Variants in HS6ST2 observed in about 807,000 individuals in gnomAD.
HS6ST2 encodes the protein heparan sulfate 6-O-sulfotransferase 2.
Under a neutral mutation model 33.0 loss-of-function variants are expected in HS6ST2, and 17 were observed. The observed-to-expected ratio is 0.52, with a 90% CI of 0.35 to 0.77. The LOEUF (loss-of-function observed/expected upper bound fraction) is 0.77. Ranked by LOEUF, HS6ST2 falls within the 30% of genes least tolerant of loss-of-function variation. The pLI is 0.01. For missense variants in HS6ST2, 519 were observed against 551.7 expected (o/e 0.94, Z 0.59); for synonymous variants, 248 against 237.1 (o/e 1.05, Z -0.42).
Position 132,870,119 on chromosome X carries a change from A to G in HS6ST2, c.947+86689T>C, listed in dbSNP as rs1371789078. Among the ~76,000 whole-genome samples, 4 of 110,720 alleles carry G rather than the reference A, an allele frequency of 3.6e-5. No homozygotes were observed. In the South Asian group the frequency reaches 1.2e-3, roughly 32 times the overall value. On this transcript the variant is annotated intron_variant, in intron 2 of 4. Transcript: ENST00000370833. ...AAAATCACAAGCATTCCTATACACC[A>G]ATAATAGACAAGCAGAGAGCCAAAT...
At chrX:132,679,523 AG>A (rs1420109752) in intron 3 of HS6ST2, among the ~76,000 whole-genome samples, 1 of 111,712 alleles carries the variant, frequency 9.0e-6, no homozygotes, top group Non-Finnish European at 1.9e-5. Flanking sequence ...AAATGGAGGC[AG>A]GGCGAGATCA....
At chrX:132,867,576 T>A (rs1024939457) in intron 2 of HS6ST2, among the ~76,000 whole-genome samples, 2 of 112,181 alleles carry the variant, frequency 1.8e-5, no homozygotes. Flanking sequence ...TCCTTGTACC[T>A]CTGGTAGAAT....
At chrX:132,758,474 C>A (rs756931874) in intron 2 of HS6ST2, 4 of 111,966 alleles carry the variant, frequency 3.6e-5, no homozygotes, top group African/African-American at 6.5e-5. Context: ...TGTCCAATTA[C>A]GTTAGTCTTC....
intron 2 of HS6ST2, among the ~76,000 whole-genome samples, chrX:132,882,972 A>C (rs190087584): frequency 6.7e-4 from 75 of 111,627 alleles, no homozygotes; most frequent in African/African-American, 2.3e-3. Context: ...ACCAGGGATG[A>C]AGCCCAGTTG....
intron 2 of HS6ST2, among the ~76,000 whole-genome samples, chrX:132,917,386 G>A (rs1425678871): frequency 1.8e-5 from 2 of 111,022 alleles, no homozygotes; most frequent in Non-Finnish European, 3.8e-5. Context: ...ATCACTTGAG[G>A]CCAGGAGTTT....
intron 2 of HS6ST2, among the ~76,000 whole-genome samples, chrX:132,911,342 T>A (rs2066532514): frequency 9.0e-6 from 1 of 110,989 alleles, no homozygotes; most frequent in Non-Finnish European, 1.9e-5. Flanking sequence ...TTTCATGACA[T>A]GAGCCTCTGC....
chrX:132,731,167 G>T (rs938797819), intron 2 of HS6ST2, among the ~76,000 whole-genome samples: 1 of 112,178 alleles, frequency 8.9e-6, no homozygotes, highest in Non-Finnish European at 1.9e-5. Flanking sequence ...TCAACTGAGG[G>T]GAACTGACTC....
Position 132,957,056 on chromosome X carries a change from G to A in HS6ST2, c.699C>T (p.His233=). The change falls in exon 2 of 5, where the codon CAC becomes CAT. Residue 233 remains histidine (H), a synonymous_variant. Transcript: ENST00000370833. ...AAGTGGTGCCCCCGGTCTTCTGGAT[G>A]TGCAGGAACACGATCAGGTCATCGC... ...IKGDDLIVFL[H]IQKTGGTTFG... 2.5e-6 allele frequency: 3 copies of A among 1,211,963 alleles called. No homozygotes were observed. The South Asian group carries it at 5.3e-5, about 21-fold the overall frequency.
At chrX:132,637,929 T>TTATATATAATATTTTATATATAAAA (rs2063573609) in intron 4 of HS6ST2, among the ~76,000 whole-genome samples, 1 of 63,602 alleles carries the variant, frequency 1.6e-5, no homozygotes, top group Non-Finnish European at 2.7e-5. Context: ...TATATATATA[T>TTATATATAATATTTTATATATAAAA]TATATATAAT....
chrX:132,787,278 T>C (rs1417923361), intron 2 of HS6ST2, among the ~76,000 whole-genome samples: 6 of 91,799 alleles, frequency 6.5e-5, no homozygotes, highest in Non-Finnish European at 1.3e-4. Flanking sequence ...TAATATATTA[T>C]TATATTTATA....
intron 2 of HS6ST2, among the ~76,000 whole-genome samples, chrX:132,793,134 C>G (rs1255420517): frequency 1.1e-5 from 1 of 93,544 alleles, no homozygotes; most frequent in East Asian, 3.6e-4. Flanking sequence ...AATCTCAGCT[C>G]ACCACAACCT....
At chrX:132,932,605 G>A (rs2066784465) in intron 2 of HS6ST2, among the ~76,000 whole-genome samples, 1 of 110,727 alleles carries the variant, frequency 9.0e-6, no homozygotes, top group African/African-American at 3.3e-5. Flanking sequence ...ACGAAAAGAC[G>A]TAGAAAGGCG....
intron 2 of HS6ST2, among the ~76,000 whole-genome samples, chrX:132,721,589 T>G (rs1343127968): frequency 8.9e-6 from 1 of 112,278 alleles, no homozygotes; most frequent in Non-Finnish European, 1.9e-5. Flanking sequence ...TTAATTTTTA[T>G]TTGCTAAGAG....
At chrX:132,701,293 C>T (rs11096342) in intron 3 of HS6ST2, among the ~76,000 whole-genome samples, 13,518 of 111,707 alleles carry the variant, frequency 0.12, 760 homozygotes, top group South Asian at 0.27. Context: ...TACCCCACTC[C>T]TTTTCTATGT....
chrX:132,784,341 G>A (rs1159566787), intron 2 of HS6ST2, among the ~76,000 whole-genome samples: 2 of 111,103 alleles, frequency 1.8e-5, no homozygotes, highest in African/African-American at 3.3e-5. Context: ...AGGCAGTCTC[G>A]CTCCGTCACC....
chrX:132,707,045 C>A (rs2064194000), intron 3 of HS6ST2, among the ~76,000 whole-genome samples: 1 of 112,070 alleles, frequency 8.9e-6, no homozygotes, highest in Admixed American at 9.4e-5. Context: ...TGTTATACAG[C>A]AAAACTGTTT....
chrX:132,633,070 T>C, intron 4 of HS6ST2, among the ~76,000 whole-genome samples: 1 of 46,671 alleles, frequency 2.1e-5, no homozygotes, highest in Admixed American at 3.2e-4. Flanking sequence ...AGTGTGAGAC[T>C]CCATCTCAAA....
At chrX:132,658,869 T>A (rs749452015) in intron 4 of HS6ST2, among the ~76,000 whole-genome samples, 1 of 111,836 alleles carries the variant, frequency 8.9e-6, no homozygotes, top group Non-Finnish European at 1.9e-5. Flanking sequence ...CAGACAGTGA[T>A]GGCCAAACAT....
intron 2 of HS6ST2, among the ~76,000 whole-genome samples, chrX:132,926,367 C>T (rs1307091136): frequency 1.8e-5 from 2 of 111,913 alleles, no homozygotes; most frequent in East Asian, 5.6e-4. Context: ...AGGTATCCCT[C>T]ACTTAGGGCC....
Sources: allele counts gnomAD v4.1 joint callset (sites outside exome capture counted in the v4.1 genomes callset), GRCh38; gene constraint gnomAD v4.1.1; transcripts MANE v1.5; gene names NCBI Gene and HGNC (gene_info 2026-07-23, HGNC 2026-07-21).